CCSER1: variants seen among roughly 807,000 people sequenced by gnomAD.
CCSER1 encodes the protein coiled-coil serine rich protein 1.
Under a neutral mutation model 82.0 loss-of-function variants are expected in CCSER1, and 41 were observed. The ratio of observed to expected loss-of-function variants is 0.50; its 90% CI spans 0.39 to 0.65. The LOEUF is 0.65. Among genes scored for constraint, CCSER1 ranks in the 30% least tolerant of loss-of-function variants. The probability of loss-of-function intolerance (pLI) is 0.00; values close to 1 mark genes in which losing one functional copy is unlikely to be tolerated. For synonymous variants in CCSER1, 414 were observed against 383.9 expected (o/e 1.08, Z -0.92); for missense variants, 1,119 against 1,064.2 (o/e 1.05, Z -0.72).
rs78077825 is a variant in CCSER1 at position 90,433,339 on chromosome 4, T to C, written c.1603+33210T>C. ...TAATATCTTGATAAATTCTACAGGC[T>C]CTTGTAATAGGGATAAAATTGCTCA... On this transcript the variant is annotated intron_variant, in intron 4 of 10. Transcript: ENST00000509176. 9.9e-3 allele frequency among the ~76,000 whole-genome samples: 1,505 copies of C among 152,194 alleles called. 14 individuals carry two copies. The highest frequency in any genetic ancestry group is 0.017 in the Non-Finnish European group (1,128 of 67,992).
intron 5 of CCSER1, among the ~76,000 whole-genome samples, chr4:90,616,294 A>T (rs895403204): frequency 2.6e-5 from 4 of 152,140 alleles, no homozygotes; most frequent in Non-Finnish European, 5.9e-5. Flanking sequence ...ATTAATTTCA[A>T]TGATTCTAGG....
At chr4:90,924,947 G>A (rs1425779094) in intron 9 of CCSER1, among the ~76,000 whole-genome samples, 3 of 152,028 alleles carry the variant, frequency 2.0e-5, no homozygotes, top group East Asian at 3.9e-4. Flanking sequence ...GGTTAGTCTC[G>A]AACTCCTTAC....
chr4:90,851,609 C>T (rs1035999877), intron 8 of CCSER1, among the ~76,000 whole-genome samples: 2 of 148,562 alleles, frequency 1.3e-5, no homozygotes, highest in Non-Finnish European at 3.0e-5. Context: ...CGACCTTTAC[C>T]ATCATGTGTT....
chr4:90,887,189 CAAG>C (rs1378089801), intron 8 of CCSER1, among the ~76,000 whole-genome samples: 4 of 151,870 alleles, frequency 2.6e-5, no homozygotes, highest in Non-Finnish European at 5.9e-5. Context: ...TTCAGGCCAC[CAAG>C]AAGAATTATA....
chr4:91,340,791 C>T lies in CCSER1; in HGVS notation c.2217+254797C>T, dbSNP rs1747673650. Among the ~76,000 whole-genome samples the T allele has an allele frequency of 1.3e-5, 2 of 152,124 alleles. 1 individual carries two copies. Among genetic ancestry groups the T allele is most frequent in the African/African-American group, 4.8e-5 (2 of 41,420 alleles). On this transcript the variant is annotated intron_variant, in intron 10 of 10. Transcript: ENST00000509176. ...CTTTCCATTGCCTGCACAGGAATTT[C>T]TATATCAATTCACAGTGGGCACCAC...
At chr4:90,335,729 T>C (rs1740267835) in intron 3 of CCSER1, among the ~76,000 whole-genome samples, 1 of 152,190 alleles carries the variant, frequency 6.6e-6, no homozygotes. Context: ...TTTTAGTAAA[T>C]GGATGTAGTC....
chr4:91,517,745 C>CGTGT (rs71579530), intron 10 of CCSER1, among the ~76,000 whole-genome samples: 3,302 of 121,110 alleles, frequency 0.027, 63 homozygotes, highest in Admixed American at 0.044. Flanking sequence ...AGTTCTTTCT[C>CGTGT]GTGTGTGTGT....
intron 10 of CCSER1, among the ~76,000 whole-genome samples, chr4:91,421,305 T>G (rs1199840046): frequency 6.6e-6 from 1 of 152,144 alleles, no homozygotes; most frequent in Non-Finnish European, 1.5e-5. Context: ...AAGCCTATGG[T>G]GTAATTCAGT....
At chr4:91,041,551 G>A (rs775034009) in intron 9 of CCSER1, among the ~76,000 whole-genome samples, 1 of 152,124 alleles carries the variant, frequency 6.6e-6, no homozygotes, top group Non-Finnish European at 1.5e-5. Context: ...CCCCGTGACT[G>A]TACAACAGAT....
intron 7 of CCSER1, among the ~76,000 whole-genome samples, chr4:90,756,042 C>T (rs1047165028): frequency 6.6e-6 from 1 of 152,046 alleles, no homozygotes; most frequent in Admixed American, 6.6e-5. Flanking sequence ...GCCTGGTGAA[C>T]ATGGTGAAAC....
chr4:91,073,274 T>C (rs1721623136), intron 9 of CCSER1, among the ~76,000 whole-genome samples: 1 of 152,120 alleles, frequency 6.6e-6, no homozygotes, highest in East Asian at 1.9e-4. Context: ...GAAATCCCTC[T>C]GTGACTTAAA....
chr4:90,663,863 A>G, intron 6 of CCSER1: 1 of 366,410 alleles, frequency 2.7e-6, no homozygotes, highest in Non-Finnish European at 5.7e-6. Context: ...GTCAAGGATG[A>G]GTGTTTCCAA....
At chr4:91,304,800 A>T (rs1339694736) in intron 10 of CCSER1, among the ~76,000 whole-genome samples, 1 of 152,092 alleles carries the variant, frequency 6.6e-6, no homozygotes, top group African/African-American at 2.4e-5. Flanking sequence ...CATTTATAAA[A>T]CTACGTATGC....
chr4:90,675,569 A>G (rs1420988138), intron 6 of CCSER1, among the ~76,000 whole-genome samples: 1 of 151,504 alleles, frequency 6.6e-6, no homozygotes, highest in Non-Finnish European at 1.5e-5. Flanking sequence ...CTGTACTGAC[A>G]TATTTTGATG....
rs114070599 is a variant in CCSER1 at position 91,204,112 on chromosome 4, A to G, written c.2217+118118A>G. Among the ~76,000 whole-genome samples, 209 of 151,992 alleles carry G rather than the reference A, an allele frequency of 1.4e-3. 1 individual carries two copies. The highest frequency in any genetic ancestry group is 4.8e-3 in the African/African-American group (198 of 41,522). On this transcript the variant is annotated intron_variant, in intron 10 of 10. Coordinates refer to ENST00000509176, the MANE Select transcript of CCSER1 (RefSeq NM_001145065.2). ...TGGTTGCCAAGACAGGTTTATTATT[A>G]CCACTCTCTACAACATAAGACAATT...
intron 3 of CCSER1, among the ~76,000 whole-genome samples, chr4:90,358,028 C>T (rs1182486542): frequency 1.3e-5 from 2 of 151,976 alleles, no homozygotes; most frequent in African/African-American, 4.8e-5. Context: ...TCCTTGGGAA[C>T]TCACTTGGTT....
At chr4:90,296,446 G>A (rs569709393) in intron 1 of CCSER1, among the ~76,000 whole-genome samples, 1 of 151,822 alleles carries the variant, frequency 6.6e-6, no homozygotes, top group Non-Finnish European at 1.5e-5. Context: ...GTAGGTTGCC[G>A]GTTCACTCTG....
At chr4:90,232,563 G>A (rs1386773481) in intron 1 of CCSER1, among the ~76,000 whole-genome samples, 1 of 148,336 alleles carries the variant, frequency 6.7e-6, no homozygotes, top group Non-Finnish European at 1.5e-5. Context: ...ATAGGCATGG[G>A]CAAGGACTTC....
intron 9 of CCSER1, among the ~76,000 whole-genome samples, chr4:90,932,978 G>GAGAA (rs1730210069): frequency 7.2e-5 from 2 of 27,940 alleles, no homozygotes; most frequent in African/African-American, 5.4e-4. Flanking sequence ...AAGAAAGAAA[G>GAGAA]AAAGAGAAAG....
Sources: gnomAD v4.1 joint callset for allele counts (sites outside exome capture counted in the v4.1 genomes callset) on GRCh38, gnomAD v4.1.1 for gene constraint, MANE v1.5 for transcripts, NCBI Gene and HGNC (gene_info 2026-07-23, HGNC 2026-07-21) for gene names.